The following PRKAG2 variants were observed in gnomAD, a reference collection of about 807,000 sequenced individuals.
PRKAG2 encodes protein kinase AMP-activated non-catalytic subunit gamma 2.
Under a neutral mutation model 69.6 loss-of-function variants are expected in PRKAG2, and 26 were observed. The observed-to-expected ratio is 0.37, with a 90% confidence interval of 0.27 to 0.52. The LOEUF is 0.52. Among genes scored for constraint, PRKAG2 ranks in the 20% least tolerant of loss-of-function variants. The pLI, the probability that PRKAG2 is intolerant of heterozygous loss-of-function variation, is 0.90. For synonymous variants in PRKAG2, 293 were observed against 285.0 expected, an observed-to-expected ratio of 1.03 and a Z score of -0.28; for missense variants, 557 against 740.0, an observed-to-expected ratio of 0.75 and a Z score of 2.87.
intron 3 of PRKAG2, among the ~76,000 whole-genome samples, chr7:151,691,937 A>G (rs1835728133): frequency 6.6e-6 from 1 of 152,238 alleles, no homozygotes; most frequent in African/African-American, 2.4e-5. Context: ...AAACTGGTAC[A>G]GCACTTTGGG....
chr7:151,841,368 G>A (rs2079275092), intron 1 of PRKAG2, among the ~76,000 whole-genome samples: 1 of 152,086 alleles, frequency 6.6e-6, no homozygotes, highest in Non-Finnish European at 1.5e-5. Context: ...ATGGTAGGTA[G>A]TGATGGTAGG....
At chr7:151,727,306 G>A (rs1301490299) in intron 3 of PRKAG2, among the ~76,000 whole-genome samples, 1 of 152,198 alleles carries the variant, frequency 6.6e-6, no homozygotes, top group African/African-American at 2.4e-5. Flanking sequence ...GGGGGACTGG[G>A]ACCTCCAGGA....
intron 1 of PRKAG2, among the ~76,000 whole-genome samples, chr7:151,858,749 G>T (rs2079845964): frequency 6.6e-6 from 1 of 152,228 alleles, no homozygotes; most frequent in Non-Finnish European, 1.5e-5. Context: ...AGATGGGTTT[G>T]GTTTGAGCCC....
chr7:151,800,548 G>A (rs2077786651), intron 1 of PRKAG2, among the ~76,000 whole-genome samples: 1 of 152,076 alleles, frequency 6.6e-6, no homozygotes, highest in Non-Finnish European at 1.5e-5. Context: ...TGGGCCCCAG[G>A]GCCACGCTGG....
chr7:151,691,808 C>A (rs932981843), intron 3 of PRKAG2, among the ~76,000 whole-genome samples: 19 of 152,222 alleles, frequency 1.2e-4, no homozygotes, highest in Admixed American at 2.0e-4. Flanking sequence ...AGCGATGCCA[C>A]TCTTAGAAGA....
Position 151,814,889 on chromosome 7 carries a change from C to G in PRKAG2, c.115-28348G>C. On this transcript the variant is annotated intron_variant, in intron 1 of 15. Transcript: ENST00000287878. This position sits in a 1 kb window ranked among gnomAD's most constrained non-coding sequence, Gnocchi z 4.8. ...AGGAAACTCCTTACCACACAGCAAGCCAGCAGGAGGGAGGGCTGGACCGGA... is the reference window on the plus strand; with the variant it reads ...AGGAAACTCCTTACCACACAGCAAGGCAGCAGGAGGGAGGGCTGGACCGGA... The G allele has an allele frequency of 8.1e-7, 1 of 1,231,298 alleles. No individual in the cohort carries two copies. The highest frequency in any genetic ancestry group is 1.5e-5 in the African/African-American group (1 of 64,530). 76.3% of individuals were successfully genotyped at this position (1,231,298 alleles called of 1,614,324 possible).
intron 3 of PRKAG2, among the ~76,000 whole-genome samples, chr7:151,763,254 C>T (rs1057385340): frequency 7.9e-5 from 12 of 152,264 alleles, no homozygotes; most frequent in South Asian, 2.1e-4. Context: ...GCAGGTCTCA[C>T]GCTAAGGCGG....
intron 1 of PRKAG2, among the ~76,000 whole-genome samples, chr7:151,791,530 C>T (rs1430895038): frequency 6.6e-6 from 1 of 152,190 alleles, no homozygotes; most frequent in Non-Finnish European, 1.5e-5. Context: ...ATGCTGAAGC[C>T]CTGATTTCCG....
At chr7:151,810,689 C>G (rs1268229136) in intron 1 of PRKAG2, 4 of 153,752 alleles carry the variant, frequency 2.6e-5, no homozygotes, top group Non-Finnish European at 5.9e-5. Context: ...CAGCCAGGCT[C>G]TAGCTCACCG....
At chr7:151,671,163 G>A (rs1232375212) in intron 4 of PRKAG2, among the ~76,000 whole-genome samples, 15 of 91,696 alleles carry the variant, frequency 1.6e-4, no homozygotes, top group African/African-American at 7.1e-4. Context: ...GACAGAGCTA[G>A]ACTGTCTCAA....
Position 151,756,505 on chromosome 7 carries a change from C to T in PRKAG2, c.466+24647G>A, listed in dbSNP as rs1307070002. On this transcript the variant is annotated intron_variant, in intron 3 of 15. Coordinates refer to ENST00000287878, the MANE Select transcript of PRKAG2 (RefSeq NM_016203.4). The surrounding 1 kb of genome is among the most constrained non-coding windows in gnomAD (Gnocchi z 4.9). ...CGCTGCTCTCATGCTCAATCCTCACCCCTACTCTGCCTGGATGCAGGGGCT... is the reference window on the plus strand; with the variant it reads ...CGCTGCTCTCATGCTCAATCCTCACTCCTACTCTGCCTGGATGCAGGGGCT... Among the ~76,000 whole-genome samples the T allele has an allele frequency of 6.6e-6, 1 of 152,208 alleles. No homozygotes were observed. The highest frequency in any genetic ancestry group is 1.9e-4 in the East Asian group (1 of 5,192).
In PRKAG2 at chr7:151,614,434, G is replaced by A. The variant is rs1167299324; in HGVS notation, c.754+17635C>T. On this transcript the variant is annotated intron_variant, in intron 5 of 15. Coordinates refer to ENST00000287878, the MANE Select transcript of PRKAG2 (RefSeq NM_016203.4). The surrounding 1 kb of genome is among the most constrained non-coding windows in gnomAD (Gnocchi z 4.4). ...AGCCACACAGGGGCTCACACAGGAG[G>A]CTGAAAAAATCAGGGCTGCGTGGAC... 6.6e-6 allele frequency among the ~76,000 whole-genome samples: 1 copy of A among 152,130 alleles called. No homozygotes were observed. Among genetic ancestry groups the A allele is most frequent in the Non-Finnish European group, 1.5e-5 (1 of 68,008 alleles).
At position 151,783,370 on chromosome 7, in the gene PRKAG2, C is replaced by T. The variant is rs116217242; in HGVS notation, c.187-1939G>A. Among the ~76,000 whole-genome samples the T allele has an allele frequency of 4.5e-3, 683 of 152,246 alleles. 6 individuals carry two copies. Among genetic ancestry groups the T allele is most frequent in the African/African-American group, 0.016 (662 of 41,546 alleles). On this transcript the variant is annotated intron_variant, in intron 2 of 15. Transcript: ENST00000287878. ...GTTTTTTGTTTTTGAGACAGGGTCT[C>T]CCTCTGTCGCTCAAGGCTGCAGTGC...
At chr7:151,827,226 TTTTCA>T (rs2078921650) in intron 1 of PRKAG2, among the ~76,000 whole-genome samples, 1 of 152,208 alleles carries the variant, frequency 6.6e-6, no homozygotes, top group African/African-American at 2.4e-5. Context: ...TTTTTATTTA[TTTTCA>T]TTTATTTATT....
chr7:151,558,866 A>G (rs1804335301), intron 15 of PRKAG2: 5 of 985,300 alleles, frequency 5.1e-6, no homozygotes, highest in Non-Finnish European at 6.0e-6. Context: ...CTCATCCAGC[A>G]CAACCGTTCA....
intron 5 of PRKAG2, among the ~76,000 whole-genome samples, chr7:151,595,944 A>G (rs1054560892): frequency 3.3e-5 from 5 of 152,170 alleles, no homozygotes; most frequent in African/African-American, 1.2e-4. Flanking sequence ...CTGAGGTGGA[A>G]GGGTCACTTG....
chr7:151,820,936 G>A (rs1388029767), intron 1 of PRKAG2, among the ~76,000 whole-genome samples: 3 of 29,172 alleles, frequency 1.0e-4, no homozygotes, highest in Non-Finnish European at 2.0e-4. Context: ...CCAGTCAATG[G>A]ATATTCTTAG....
chr7:151,656,092 A>C (rs1200666458), intron 4 of PRKAG2, among the ~76,000 whole-genome samples: 1 of 152,214 alleles, frequency 6.6e-6, no homozygotes. Context: ...GAGTAGCACT[A>C]TATTGTGCTT....
chr7:151,576,985 T>A (rs892783750), intron 6 of PRKAG2, among the ~76,000 whole-genome samples: 131 of 28,950 alleles, frequency 4.5e-3, no homozygotes, highest in Non-Finnish European at 7.0e-3. Flanking sequence ...AATTAACTTC[T>A]TTTTTTTTTC....
Sources: gnomAD v4.1 joint callset for allele counts (sites outside exome capture counted in the v4.1 genomes callset) on GRCh38, gnomAD v4.1.1 for gene constraint, Gnocchi (gnomAD v3.1) non-coding constraint, MANE v1.5 for transcripts, NCBI Gene and HGNC (gene_info 2026-07-23, HGNC 2026-07-21) for gene names.